The following CNTN5 variants were observed in gnomAD, a reference collection of about 807,000 sequenced individuals.
CNTN5 encodes the protein contactin 5.
A neutral mutation model predicts 129.1 loss-of-function variants in CNTN5; 77 were observed. The observed-to-expected ratio is 0.60, with a 90% CI of 0.50 to 0.72. CNTN5 has a LOEUF of 0.72. CNTN5 is among the 30% of genes least tolerant of loss of function. The pLI is 0.00. For missense variants in CNTN5, 1,478 were observed against 1,328.8 expected (o/e 1.11, Z -1.75); for synonymous variants, 509 against 465.6 (o/e 1.09, Z -1.20).
chr11:99,542,598 T>C (rs1033360209), intron 2 of CNTN5, among the ~76,000 whole-genome samples: 1 of 152,162 alleles, frequency 6.6e-6, no homozygotes, highest in Non-Finnish European at 1.5e-5. Flanking sequence ...CCCCTACTAC[T>C]AGATGCCAGT....
At chr11:99,177,109 C>T (rs1392444702) in intron 1 of CNTN5, among the ~76,000 whole-genome samples, 1 of 148,336 alleles carries the variant, frequency 6.7e-6, no homozygotes, top group Non-Finnish European at 1.5e-5. Flanking sequence ...GAACATCTTA[C>T]CATGGATTCT....
intron 13 of CNTN5, among the ~76,000 whole-genome samples, chr11:100,113,035 C>T (rs1461373737): frequency 6.6e-6 from 1 of 152,040 alleles, no homozygotes; most frequent in Non-Finnish European, 1.5e-5. Context: ...TAGAGTTAAA[C>T]ATAGAATATT....
At chr11:99,182,613 C>T (rs116230052) in intron 1 of CNTN5, among the ~76,000 whole-genome samples, 1,666 of 152,118 alleles carry the variant, frequency 0.011, 39 homozygotes, top group African/African-American at 0.038. Flanking sequence ...GTCCCTCCAT[C>T]CTCTGGGCAT....
chr11:99,324,541 G>T (rs1035727337), intron 1 of CNTN5, among the ~76,000 whole-genome samples: 1 of 152,084 alleles, frequency 6.6e-6, no homozygotes, highest in Non-Finnish European at 1.5e-5. Context: ...GGGTAGCTAC[G>T]CTAGGTTTTC....
intron 1 of CNTN5, among the ~76,000 whole-genome samples, chr11:99,237,805 T>A (rs190002996): frequency 4.6e-5 from 7 of 152,328 alleles, no homozygotes; most frequent in Admixed American, 4.6e-4. Flanking sequence ...TTAATAATTA[T>A]GGGTCCAATT....
At chr11:99,930,795 A>AC (rs1394728654) in intron 7 of CNTN5, among the ~76,000 whole-genome samples, 181 of 106,966 alleles carry the variant, frequency 1.7e-3, no homozygotes, top group African/African-American at 5.8e-3. Context: ...ACATACACAC[A>AC]AACACACACA....
At chr11:99,546,059 G>A (rs1948281350) in intron 2 of CNTN5, among the ~76,000 whole-genome samples, 1 of 152,220 alleles carries the variant, frequency 6.6e-6, no homozygotes, top group Non-Finnish European at 1.5e-5. Flanking sequence ...CCAGGAATGA[G>A]AAGGTGCAGC....
chr11:100,262,488 C>T (rs12575204), intron 17 of CNTN5, among the ~76,000 whole-genome samples: 1,599 of 152,244 alleles, frequency 0.011, 17 homozygotes, highest in East Asian at 0.046. Context: ...GACACATGAA[C>T]ATGTATGTTT....
chr11:99,359,807 C>A (rs868818329), intron 2 of CNTN5, among the ~76,000 whole-genome samples: 1 of 151,540 alleles, frequency 6.6e-6, no homozygotes, highest in African/African-American at 2.4e-5. Context: ...TGCAGTAGTA[C>A]GACAAGCATA....
chr11:99,502,170 TG>T (rs567254471), intron 2 of CNTN5, among the ~76,000 whole-genome samples: 48 of 152,350 alleles, frequency 3.2e-4, no homozygotes, highest in African/African-American at 1.1e-3. Flanking sequence ...CTATGTTGGA[TG>T]GTTTTTATCA....
At chr11:99,946,705 T>G (rs1950560282) in intron 7 of CNTN5, among the ~76,000 whole-genome samples, 1 of 152,094 alleles carries the variant, frequency 6.6e-6, no homozygotes, top group African/African-American at 2.4e-5. Flanking sequence ...AGAACATGAA[T>G]GTTAGGTTCA....
intron 21 of CNTN5, among the ~76,000 whole-genome samples, chr11:100,339,681 T>A (rs757610650): frequency 2.6e-4 from 40 of 152,190 alleles, no homozygotes; most frequent in Non-Finnish European, 4.7e-4. Flanking sequence ...TTTCTCTGCC[T>A]CCTTCCTCTA....
chr11:99,713,351 C>T (rs181106978), intron 3 of CNTN5, among the ~76,000 whole-genome samples: 110 of 152,042 alleles, frequency 7.2e-4, no homozygotes, highest in Admixed American at 2.0e-3. Context: ...GACTTTGTAT[C>T]CTGAGACTTT....
intron 15 of CNTN5, among the ~76,000 whole-genome samples, chr11:100,213,954 A>G (rs1949086452): frequency 6.6e-6 from 1 of 152,162 alleles, no homozygotes. Context: ...AAGCTTGGCA[A>G]AAGAATACTC....
chr11:99,460,765 C>A (rs1003024755), intron 2 of CNTN5, among the ~76,000 whole-genome samples: 1 of 151,960 alleles, frequency 6.6e-6, no homozygotes, highest in African/African-American at 2.4e-5. Flanking sequence ...AAGTCGAATT[C>A]TCGTACCTTG....
intron 13 of CNTN5, among the ~76,000 whole-genome samples, chr11:100,130,418 T>C (rs1946337773): frequency 1.3e-5 from 2 of 152,182 alleles, no homozygotes; most frequent in South Asian, 4.1e-4. Context: ...GAATTTAATA[T>C]ACTGGTAGTA....
intron 20 of CNTN5, 79 bp from the exon 21 acceptor site, chr11:100,308,280 T>A: frequency 7.8e-7 from 1 of 1,285,212 alleles, no homozygotes; most frequent in Non-Finnish European, 1.1e-6. Context: ...TAAGAGGAAT[T>A]TAACACCTGA....
chr11:99,990,443 A>AATATAT (rs145384797), intron 8 of CNTN5, among the ~76,000 whole-genome samples: 6 of 144,802 alleles, frequency 4.1e-5, no homozygotes, highest in East Asian at 4.1e-4. Context: ...TTATTTTTAG[A>AATATAT]ATATATATAT....
intron 2 of CNTN5, among the ~76,000 whole-genome samples, chr11:99,544,430 ATGAC>A (rs1430208702): frequency 6.6e-5 from 10 of 152,208 alleles, no homozygotes; most frequent in Admixed American, 1.3e-4. Flanking sequence ...ACTATGTAGA[ATGAC>A]TGCTTCAGAT....
Sources: gnomAD v4.1 joint callset for allele counts (sites outside exome capture counted in the v4.1 genomes callset) on GRCh38, gnomAD v4.1.1 for gene constraint, MANE v1.5 for transcripts, NCBI Gene and HGNC (gene_info 2026-07-23, HGNC 2026-07-21) for gene names.